Variants in CFAP299 observed in about 807,000 individuals in gnomAD.
The protein encoded by CFAP299 is cilia- and flagella-associated protein 299.
Under a neutral mutation model 27.0 loss-of-function variants are expected in CFAP299, and 21 were observed. The ratio of observed to expected loss-of-function variants is 0.78; its 90% CI spans 0.55 to 1.12. The LOEUF is 1.12. CFAP299 is among the 50% of genes most tolerant of loss of function. The pLI is 0.00. For missense variants in CFAP299, 310 were observed against 276.6 expected (o/e 1.12, Z -0.86); for synonymous variants, 104 against 98.1 (o/e 1.06, Z -0.36).
intron 2 of CFAP299, among the ~76,000 whole-genome samples, chr4:80,495,638 A>G (rs943853099): frequency 6.6e-6 from 1 of 152,206 alleles, no homozygotes; most frequent in African/African-American, 2.4e-5. Context: ...TCTCTATAAA[A>G]AATTTGTTTT....
intron 2 of CFAP299, among the ~76,000 whole-genome samples, chr4:80,491,453 T>C (rs1441269917): frequency 2.6e-5 from 4 of 152,150 alleles, no homozygotes; most frequent in Non-Finnish European, 5.9e-5. Context: ...ATTGTCCACA[T>C]TCATAAATAG....
At chr4:80,730,272 GTGTGTGTA>G (rs1263926894) in intron 3 of CFAP299, among the ~76,000 whole-genome samples, 148 of 148,880 alleles carry the variant, frequency 9.9e-4, no homozygotes, top group African/African-American at 3.6e-3. Context: ...GTGTGTGTGT[GTGTGTGTA>G]TGTGTGTGTG....
At chr4:80,390,833 A>G (rs969584849) in intron 2 of CFAP299, among the ~76,000 whole-genome samples, 4 of 145,628 alleles carry the variant, frequency 2.7e-5, no homozygotes, top group Non-Finnish European at 6.0e-5. Flanking sequence ...GTATATGTAT[A>G]TATGTATATA....
intron 2 of CFAP299, among the ~76,000 whole-genome samples, chr4:80,523,901 A>T (rs1031251124): frequency 6.6e-6 from 1 of 152,110 alleles, no homozygotes; most frequent in Admixed American, 6.6e-5. Flanking sequence ...ACAGATTGAC[A>T]TCAACTTGAT....
chr4:80,438,583 G>T (rs1279104769), intron 2 of CFAP299, among the ~76,000 whole-genome samples: 1 of 152,110 alleles, frequency 6.6e-6, no homozygotes, highest in Non-Finnish European at 1.5e-5. Flanking sequence ...ATTCTCATCT[G>T]AACTTGGTTT....
chr4:80,692,006 C>T (rs1241329027), intron 3 of CFAP299, among the ~76,000 whole-genome samples: 3 of 152,154 alleles, frequency 2.0e-5, no homozygotes, highest in African/African-American at 7.2e-5. Flanking sequence ...AGGACCTCTT[C>T]AAGGAGAACT....
In CFAP299 at chr4:80,335,891, G is replaced by T; in HGVS notation, c.111+12G>T. 1 of 1,537,132 alleles carries T rather than the reference G, an allele frequency of 6.5e-7. No homozygotes were observed. The highest frequency in any genetic ancestry group is 9.0e-7 in the Non-Finnish European group (1 of 1,110,020). ...TGTACTACCTGGAGGTAAGGGCGGA[G>T]CGCGGCAGAGTAGCCGCCGCCGCGC... is the stretch of plus-strand genomic sequence containing the variant. On this transcript the variant is annotated intron_variant, in intron 1 of 5. Transcript: ENST00000358105.
intron 2 of CFAP299, among the ~76,000 whole-genome samples, chr4:80,406,669 C>G (rs954699939): frequency 6.6e-6 from 1 of 152,076 alleles, no homozygotes; most frequent in African/African-American, 2.4e-5. Flanking sequence ...TGTGCCCAGC[C>G]CCTAGTACAA....
chr4:80,531,439 A>C (rs1733457930), intron 2 of CFAP299, among the ~76,000 whole-genome samples: 1 of 152,170 alleles, frequency 6.6e-6, no homozygotes. Context: ...GTGGTTCAAA[A>C]ATGTGTTTTT....
At chr4:80,955,541 GA>G (rs1738024961) in intron 5 of CFAP299, among the ~76,000 whole-genome samples, 1 of 152,116 alleles carries the variant, frequency 6.6e-6, no homozygotes, top group South Asian at 2.1e-4. Context: ...TTAAAAACTG[GA>G]AACAATCTGC....
intron 2 of CFAP299, among the ~76,000 whole-genome samples, chr4:80,511,079 C>T (rs1048821016): frequency 6.6e-6 from 1 of 152,072 alleles, no homozygotes; most frequent in Admixed American, 6.6e-5. Context: ...ACTGAAGAAG[C>T]AATATAATGC....
chr4:80,758,236 G>C (rs1725357782), intron 3 of CFAP299, among the ~76,000 whole-genome samples: 2 of 152,176 alleles, frequency 1.3e-5, no homozygotes, highest in Admixed American at 1.3e-4. Context: ...GTGGCTTTCA[G>C]GGGGCAGGGG....
chr4:80,782,688 A>G (rs1199109991), intron 3 of CFAP299, among the ~76,000 whole-genome samples: 1 of 131,030 alleles, frequency 7.6e-6, no homozygotes, highest in Non-Finnish European at 1.6e-5. Flanking sequence ...ATATATGAAT[A>G]TATAATATAT....
intron 3 of CFAP299, among the ~76,000 whole-genome samples, chr4:80,808,849 T>C (rs1029298136): frequency 6.6e-6 from 1 of 152,084 alleles, no homozygotes; most frequent in Admixed American, 6.6e-5. Flanking sequence ...TCATGGTACA[T>C]AGTCCCATGA....
At chr4:80,411,659 AT>A (rs528610619) in intron 2 of CFAP299, among the ~76,000 whole-genome samples, 3 of 152,004 alleles carry the variant, frequency 2.0e-5, no homozygotes, top group East Asian at 1.9e-4. Flanking sequence ...TTCTTTCACC[AT>A]TTTTTTGTTA....
At position 80,661,580 on chromosome 4, in the gene CFAP299, C is replaced by T. The variant is rs184039824; in HGVS notation, c.333+78397C>T. On this transcript the variant is annotated intron_variant, in intron 3 of 5. Transcript: ENST00000358105. ...CCTATGCCTATCTTTACGTTAATCT[C>T]TTAATCTCATCATCTTCATAAGCTG... Among the ~76,000 whole-genome samples, 192 of 152,288 alleles carry T rather than the reference C, an allele frequency of 1.3e-3. 1 individual carries two copies. Among genetic ancestry groups the T allele is most frequent in the African/African-American group, 4.4e-3 (183 of 41,554 alleles).
intron 4 of CFAP299, among the ~76,000 whole-genome samples, chr4:80,904,852 G>A (rs1440877877): frequency 6.6e-6 from 1 of 152,220 alleles, no homozygotes; most frequent in African/African-American, 2.4e-5. Flanking sequence ...GAAACTCTGA[G>A]ATGTATGTCA....
chr4:80,567,728 T>C (rs1735372441), intron 2 of CFAP299, among the ~76,000 whole-genome samples: 1 of 22,322 alleles, frequency 4.5e-5, no homozygotes. Context: ...TATTCTAATG[T>C]ATTTATATAT....
Position 80,505,734 on chromosome 4 carries a change from T to G in CFAP299, c.243-77359T>G, listed in dbSNP as rs533808170. Among the ~76,000 whole-genome samples the G allele has an allele frequency of 3.9e-5, 6 of 152,222 alleles. No individual in the cohort carries two copies. The East Asian group carries it at 1.2e-3, about 29-fold the overall frequency. On this transcript the variant is annotated intron_variant, in intron 2 of 5. Transcript: ENST00000358105. Reference sequence around the variant, plus strand: ...AAGGGTTGATGTATATAGTATATAATGAAGAATTTTTTTAATTGCCTCATA... The same window carrying G: ...AAGGGTTGATGTATATAGTATATAAGGAAGAATTTTTTTAATTGCCTCATA...
Sources: gnomAD v4.1 joint callset for allele counts (sites outside exome capture counted in the v4.1 genomes callset) on GRCh38, gnomAD v4.1.1 for gene constraint, MANE v1.5 for transcripts, NCBI Gene and HGNC (gene_info 2026-07-23, HGNC 2026-07-21) for gene names.